EVI5: variants seen among roughly 807,000 people sequenced by gnomAD.
EVI5 encodes ecotropic viral integration site 5 protein homolog.
In EVI5, 73 loss-of-function variants were observed where a neutral mutation model predicts 112.0. That is an observed-to-expected ratio of 0.65 (90% CI 0.54 to 0.79). The LOEUF is 0.79. EVI5 is among the 30% of genes least tolerant of loss of function. The probability of loss-of-function intolerance (pLI) is 0.00; values close to 1 mark genes in which losing one functional copy is unlikely to be tolerated. For synonymous variants in EVI5, 305 were observed against 319.9 expected (o/e 0.95, Z 0.50); for missense variants, 900 against 968.8 (o/e 0.93, Z 0.94).
At chr1:92,707,813 T>C (rs757376391) in intron 2 of EVI5, among the ~76,000 whole-genome samples, 1 of 152,182 alleles carries the variant, frequency 6.6e-6, no homozygotes, top group Non-Finnish European at 1.5e-5. Context: ...TGAAAGTTCA[T>C]AGCAGCTTTA....
chr1:92,605,545 C>A, intron 17 of EVI5, 143 bp from the exon 18 acceptor site: 1 of 580,314 alleles, frequency 1.7e-6, no homozygotes, highest in South Asian at 2.3e-5. Flanking sequence ...ACAATATGCT[C>A]AATACATACA....
At chr1:92,773,831 C>G (rs1570906972) in intron 1 of EVI5, 1 of 152,044 alleles carries the variant, frequency 6.6e-6, no homozygotes, top group Non-Finnish European at 1.5e-5. Context: ...TCGAGACTAG[C>G]CTGGACAACA....
intron 2 of EVI5, among the ~76,000 whole-genome samples, chr1:92,722,605 T>C (rs1016822539): frequency 3.3e-5 from 5 of 152,066 alleles, no homozygotes; most frequent in African/African-American, 9.7e-5. Flanking sequence ...TATCTCCTTT[T>C]GCTCTATTTA....
intron 1 of EVI5, among the ~76,000 whole-genome samples, chr1:92,764,345 T>C (rs1451403663): frequency 6.6e-6 from 1 of 152,232 alleles, no homozygotes; most frequent in Non-Finnish European, 1.5e-5. Flanking sequence ...AAATGAAGTA[T>C]TACTCAGTTT....
intron 19 of EVI5, among the ~76,000 whole-genome samples, chr1:92,562,854 T>G (rs1037049981): frequency 2.0e-5 from 3 of 152,204 alleles, no homozygotes; most frequent in Non-Finnish European, 4.4e-5. Context: ...GGTCAAAATT[T>G]CTCTTTCTTC....
At chr1:92,683,329 G>C (rs900520839) in intron 9 of EVI5, among the ~76,000 whole-genome samples, 2 of 152,156 alleles carry the variant, frequency 1.3e-5, no homozygotes, top group Non-Finnish European at 2.9e-5. Context: ...GGTTCTGACT[G>C]TTAGAAGAAA....
At chr1:92,629,300 G>C (rs1656361706) in intron 14 of EVI5, among the ~76,000 whole-genome samples, 1 of 151,954 alleles carries the variant, frequency 6.6e-6, no homozygotes, top group South Asian at 2.1e-4. Context: ...TAAGAAAATA[G>C]TTAAAAACAC....
intron 13 of EVI5, among the ~76,000 whole-genome samples, chr1:92,643,380 G>C (rs1309455782): frequency 6.8e-6 from 1 of 145,988 alleles, no homozygotes; most frequent in Non-Finnish European, 1.5e-5. Context: ...GATCACTCAA[G>C]TGATCCTCCC....
chr1:92,587,379 C>T (rs1188899301), intron 18 of EVI5, among the ~76,000 whole-genome samples: 2 of 88,690 alleles, frequency 2.3e-5, no homozygotes, highest in Non-Finnish European at 4.3e-5. Context: ...AACGATTGTG[C>T]TTCAGGGGCA....
chr1:92,642,827 G>T (rs538748933), intron 13 of EVI5, among the ~76,000 whole-genome samples: 1 of 152,134 alleles, frequency 6.6e-6, no homozygotes, highest in Non-Finnish European at 1.5e-5. Context: ...TAGTATGAAG[G>T]TCCCAATAAC....
intron 18 of EVI5, among the ~76,000 whole-genome samples, chr1:92,578,868 C>T (rs1279477977): frequency 2.0e-5 from 3 of 152,112 alleles, no homozygotes; most frequent in Non-Finnish European, 2.9e-5. Flanking sequence ...CCAATATAAA[C>T]CATGGTTTTG....
intron 1 of EVI5, among the ~76,000 whole-genome samples, chr1:92,769,496 T>C (rs1570878851): frequency 6.6e-6 from 1 of 152,268 alleles, no homozygotes; most frequent in East Asian, 1.9e-4. Context: ...CCACCCTACC[T>C]GCCCCAGGCA....
At chr1:92,743,918 C>A (rs1003875131) in intron 1 of EVI5, among the ~76,000 whole-genome samples, 1 of 152,036 alleles carries the variant, frequency 6.6e-6, no homozygotes, top group Non-Finnish European at 1.5e-5. Flanking sequence ...GCTCTTCTAT[C>A]TAGTTCCCTA....
At chr1:92,587,220 T>C (rs970236961) in intron 18 of EVI5, among the ~76,000 whole-genome samples, 1 of 152,138 alleles carries the variant, frequency 6.6e-6, no homozygotes, top group Non-Finnish European at 1.5e-5. Context: ...GCAGTCTATG[T>C]ACGTATTTTC....
rs772020018 is a variant in EVI5 at position 92,736,424 on chromosome 1, G to A, written c.123C>T (p.Leu41=). 4 of 1,612,754 alleles carry A rather than the reference G, an allele frequency of 2.5e-6. No homozygotes were observed. The highest frequency in any genetic ancestry group is 3.4e-6 in the Non-Finnish European group (4 of 1,178,960). The change falls in exon 2 of 20, where the codon CTC becomes CTT. Residue 41 remains leucine, a synonymous_variant. Transcript: ENST00000684568. ...PSQLSPDDLE[L]LAKLEEQNRL... is the part of the protein sequence containing the mutation. ...TATTCTGTTCTTCCAGTTTAGCCAG[G>A]AGTTCTAAGTCGTCTGGACTCAACT...
At chr1:92,775,896 C>T (rs1030203405) in intron 1 of EVI5, among the ~76,000 whole-genome samples, 3 of 152,106 alleles carry the variant, frequency 2.0e-5, no homozygotes, top group African/African-American at 7.2e-5. Flanking sequence ...ATCACGAGGT[C>T]AGGAGATCAA....
At chr1:92,681,559 T>C (rs1667591223) in intron 9 of EVI5, among the ~76,000 whole-genome samples, 1 of 152,170 alleles carries the variant, frequency 6.6e-6, no homozygotes, top group African/African-American at 2.4e-5. Flanking sequence ...TTACCGTTCT[T>C]CTTAAAATGC....
intron 19 of EVI5, among the ~76,000 whole-genome samples, chr1:92,549,556 C>T (rs1359663006): frequency 2.0e-5 from 3 of 152,004 alleles, no homozygotes; most frequent in South Asian, 2.1e-4. Flanking sequence ...TCAGAGTGAA[C>T]AGGCAACCTA....
At chr1:92,697,600 T>C (rs1670509595) in intron 6 of EVI5, among the ~76,000 whole-genome samples, 1 of 152,184 alleles carries the variant, frequency 6.6e-6, no homozygotes, top group South Asian at 2.1e-4. Flanking sequence ...TTCATGTGCT[T>C]AGGTAAGGGG....
Sources: gnomAD v4.1 joint callset for allele counts (sites outside exome capture counted in the v4.1 genomes callset) on GRCh38, gnomAD v4.1.1 for gene constraint, MANE v1.5 for transcripts, NCBI Gene and HGNC (gene_info 2026-07-23, HGNC 2026-07-21) for gene names.